The following RGSL1 variants were observed in gnomAD, a reference collection of about 807,000 sequenced individuals.
RGSL1 encodes regulator of G protein signaling like 1, also known as regulator of G protein signaling protein-like.
Under a neutral mutation model 124.7 loss-of-function variants are expected in RGSL1, and 97 were observed. The observed-to-expected ratio is 0.78, with a 90% confidence interval of 0.66 to 0.92. The LOEUF (loss-of-function observed/expected upper bound fraction) is 0.92. Ranked by LOEUF, RGSL1 falls within the 40% of genes least tolerant of loss-of-function variation. The probability of loss-of-function intolerance (pLI) is 0.00; values close to 1 mark genes in which losing one functional copy is unlikely to be tolerated. For synonymous variants in RGSL1, 424 were observed against 438.1 expected (o/e 0.97, Z 0.40); for missense variants, 1,233 against 1,288.4 (o/e 0.96, Z 0.66).
intron 4 of RGSL1, chr1:182,460,835 T>C (rs146441306): frequency 2.4e-6 from 1 of 416,328 alleles, no homozygotes; most frequent in Non-Finnish European, 4.8e-6. Flanking sequence ...TTGTAGTTGA[T>C]CTCATTCAAT....
At chr1:182,450,074 G>T, upstream of RGSL1, 1 of 1,434,766 alleles carries the variant, frequency 7.0e-7, no homozygotes. Flanking sequence ...CTTAGAGAAG[G>T]TGTCATTACG....
chr1:182,544,135 T>C (rs1660064613), intron 15 of RGSL1, among the ~76,000 whole-genome samples: 1 of 152,096 alleles, frequency 6.6e-6, no homozygotes, highest in African/African-American at 2.4e-5. Flanking sequence ...TAAGTATTTA[T>C]TTTCTAAACT....
intron 9 of RGSL1, among the ~76,000 whole-genome samples, chr1:182,521,433 C>T (rs1249811899): frequency 2.0e-5 from 3 of 152,178 alleles, no homozygotes; most frequent in African/African-American, 7.2e-5. Context: ...GGGAACCAGA[C>T]ACCAATTCTG....
In RGSL1 at chr1:182,473,775, G is replaced by T. The variant is rs201581081; in HGVS notation, c.664G>T (p.Val222Phe). 5 of 1,551,558 alleles carry T rather than the reference G, an allele frequency of 3.2e-6. No homozygotes were observed. The Admixed American group carries it at 9.8e-5, about 30-fold the overall frequency. The change falls in exon 6 of 22, where the codon GTT (valine) becomes TTT (phenylalanine). Residue 222 changes from valine (V) to phenylalanine (F), a missense_variant. Transcript: ENST00000294854. Reference sequence around the variant, plus strand: ...AGAGTACGAGACTCGCTTATACAGCGTTTGCTACACCCACATAGGAGGGCT... The same window carrying T: ...AGAGTACGAGACTCGCTTATACAGCTTTTGCTACACCCACATAGGAGGGCT... ...MQEYETRLYS[V>F]CYTHIGGLPL...
intron 8 of RGSL1, among the ~76,000 whole-genome samples, chr1:182,492,170 G>C (rs1205640395): frequency 6.6e-6 from 1 of 152,160 alleles, no homozygotes; most frequent in Non-Finnish European, 1.5e-5. Flanking sequence ...ATTCTTAGGG[G>C]CTTCAATTTT....
At chr1:182,548,659 G>A (rs368195738) in intron 16 of RGSL1, 41 bp from the exon 17 acceptor site, 189 of 1,548,864 alleles carry the variant, frequency 1.2e-4, no homozygotes, top group African/African-American at 3.8e-4. Flanking sequence ...CTGCCTTCCC[G>A]TGGAGCCTCT....
intron 17 of RGSL1, 142 bp downstream of exon 17, chr1:182,548,966 T>C: frequency 1.0e-6 from 1 of 988,084 alleles, no homozygotes; most frequent in South Asian, 1.7e-5. Flanking sequence ...AAAATCCTAT[T>C]CACCTCACTC....
chr1:182,525,997 A>G (rs1416154171), intron 10 of RGSL1, among the ~76,000 whole-genome samples: 1 of 152,220 alleles, frequency 6.6e-6, no homozygotes, highest in Non-Finnish European at 1.5e-5. Flanking sequence ...ATAAATTTCT[A>G]GAAATACCCA....
chr1:182,474,491 C>T lies in RGSL1; in HGVS notation c.1380C>T (p.Pro460=), dbSNP rs1654129261. The part of the protein sequence containing the change: ...QTIQGLKELL[P]SGDVIPWIPK... ...TTCAGGGCCTGAAGGAACTATTGCCCTCTGGGGATGTGATCCCCTGGATTC... is the reference window on the plus strand; with the variant it reads ...TTCAGGGCCTGAAGGAACTATTGCCTTCTGGGGATGTGATCCCCTGGATTC... Residue 460 remains proline, a synonymous_variant, in exon 6 of 22, where the codon CCC becomes CCT. Transcript: ENST00000294854. 4 of 1,550,900 alleles carry T rather than the reference C, an allele frequency of 2.6e-6. No individual in the cohort carries two copies. Among genetic ancestry groups the T allele is most frequent in the Non-Finnish European group, 3.5e-6 (4 of 1,146,278 alleles).
intron 9 of RGSL1, among the ~76,000 whole-genome samples, chr1:182,503,152 T>C (rs1656527744): frequency 6.6e-6 from 1 of 152,170 alleles, no homozygotes; most frequent in Non-Finnish European, 1.5e-5. Flanking sequence ...ACCCCACTGC[T>C]AGGTATACCC....
intron 9 of RGSL1, among the ~76,000 whole-genome samples, chr1:182,505,784 A>G (rs1255933391): frequency 1.3e-5 from 2 of 151,568 alleles, no homozygotes; most frequent in Non-Finnish European, 3.0e-5. Flanking sequence ...GTACTTGTAA[A>G]TTTTTAAAGT....
intron 9 of RGSL1, among the ~76,000 whole-genome samples, chr1:182,501,300 TTC>T (rs1656349993): frequency 5.5e-5 from 7 of 127,034 alleles, no homozygotes; most frequent in Admixed American, 1.9e-4. Context: ...CTTTTCTTTT[TTC>T]TTTTCTTTTT....
At chr1:182,532,986 G>C (rs1468615880) in intron 14 of RGSL1, among the ~76,000 whole-genome samples, 195 bp downstream of exon 14, 1 of 152,120 alleles carries the variant, frequency 6.6e-6, no homozygotes. Context: ...TGCTTAAGGA[G>C]CCAGCAAGGG....
intron 9 of RGSL1, among the ~76,000 whole-genome samples, chr1:182,500,748 T>C (rs1469767251): frequency 6.6e-6 from 1 of 152,220 alleles, no homozygotes; most frequent in African/African-American, 2.4e-5. Context: ...TTCTTTCTGA[T>C]GCTATTGTAA....
At position 182,474,217 on chromosome 1, in the gene RGSL1, A is replaced by T; in HGVS notation, c.1106A>T (p.Tyr369Phe). ...KAIKQSFSLGYIHLALCADAC... is the reference protein window; with the variant it reads ...KAIKQSFSLGFIHLALCADAC... ...ATCAAGCAAAGCTTCTCCTTAGGAT[A>T]CATCCACTTGGCCTTGTGTGCTGAT... is the stretch of plus-strand genomic sequence containing the variant. Residue 369 changes from tyrosine (Y) to phenylalanine (F), a missense_variant, in exon 6 of 22, where the codon TAC becomes TTC. Transcript: ENST00000294854. The T allele has an allele frequency of 6.4e-7, 1 of 1,551,980 alleles. No individual in the cohort carries two copies. Among genetic ancestry groups the T allele is most frequent in the Non-Finnish European group, 8.7e-7 (1 of 1,147,044 alleles).
chr1:182,474,583 TA>T, intron 6 of RGSL1, 41 bp downstream of exon 6: 1 of 1,497,538 alleles, frequency 6.7e-7, no homozygotes, highest in Non-Finnish European at 8.9e-7. Flanking sequence ...TCTGGCAAAT[TA>T]GGTCAAAACT....
chr1:182,548,071 GGTGGGATAAACAAGGGGGTTT>G (rs1660327943), intron 15 of RGSL1, among the ~76,000 whole-genome samples: 1 of 152,164 alleles, frequency 6.6e-6, no homozygotes, highest in East Asian at 1.9e-4. Flanking sequence ...AAGGAGGGAA[GGTGGGATAAACAAGGGGGTTT>G]GTGGTGAAGA....
At chr1:182,546,093 T>G (rs1184813558) in intron 15 of RGSL1, among the ~76,000 whole-genome samples, 1 of 152,236 alleles carries the variant, frequency 6.6e-6, no homozygotes, top group African/African-American at 2.4e-5. Flanking sequence ...TGTAGGTGTC[T>G]TCATTACTTT....
intron 9 of RGSL1, among the ~76,000 whole-genome samples, chr1:182,515,817 G>C (rs1479384934): frequency 1.3e-5 from 2 of 152,194 alleles, no homozygotes; most frequent in African/African-American, 4.8e-5. Flanking sequence ...GCCCTAGCCA[G>C]AAGGGGAGGG....
Sources: gnomAD v4.1 joint callset for allele counts (sites outside exome capture counted in the v4.1 genomes callset) on GRCh38, gnomAD v4.1.1 for gene constraint, MANE v1.5 for transcripts, NCBI Gene and HGNC (gene_info 2026-07-23, HGNC 2026-07-21) for gene names.